PTPRN2: variants seen among roughly 807,000 people sequenced by gnomAD.
The protein encoded by PTPRN2 is receptor-type tyrosine-protein phosphatase N2.
A neutral mutation model predicts 118.8 loss-of-function variants in PTPRN2; 74 were observed. That is an observed-to-expected ratio of 0.62 (90% CI 0.52 to 0.76). PTPRN2 has a LOEUF of 0.76. Ranked by LOEUF, PTPRN2 falls within the 30% of genes least tolerant of loss-of-function variation. PTPRN2 has a pLI of 0.00. For synonymous variants in PTPRN2, 641 were observed against 608.0 expected, an observed-to-expected ratio of 1.05 and a Z score of -0.80; for missense variants, 1,481 against 1,394.4, an observed-to-expected ratio of 1.06 and a Z score of -0.99.
At chr7:158,417,328 G>A (rs1022414557) in intron 2 of PTPRN2, among the ~76,000 whole-genome samples, 1 of 151,646 alleles carries the variant, frequency 6.6e-6, no homozygotes, top group Non-Finnish European at 1.5e-5. Flanking sequence ...ACTACATCGA[G>A]ATGCTGAAGC....
At chr7:158,361,510 C>T (rs1246340410) in intron 2 of PTPRN2, among the ~76,000 whole-genome samples, 1 of 152,236 alleles carries the variant, frequency 6.6e-6, no homozygotes, top group Non-Finnish European at 1.5e-5. Context: ...GCCATCCACA[C>T]CTGGCAGAAA....
chr7:157,951,940 C>G (rs1800839565), intron 11 of PTPRN2, among the ~76,000 whole-genome samples: 1 of 152,194 alleles, frequency 6.6e-6, no homozygotes, highest in African/African-American at 2.4e-5. Flanking sequence ...CCTGCTGCAC[C>G]TGCCACAACT....
chr7:158,143,416 G>A (rs528329042), intron 6 of PTPRN2, among the ~76,000 whole-genome samples: 61 of 152,300 alleles, frequency 4.0e-4, no homozygotes, highest in African/African-American at 1.4e-3. Flanking sequence ...CCCAGCAGTC[G>A]GCGTCCTCCG....
intron 2 of PTPRN2, among the ~76,000 whole-genome samples, chr7:158,406,572 C>G (rs892920070): frequency 1.3e-5 from 2 of 152,250 alleles, no homozygotes; most frequent in Non-Finnish European, 2.9e-5. Flanking sequence ...CGGCTCCTTC[C>G]CCAGGGCAGG....
rs568819318 is a variant in PTPRN2 at position 157,784,655 on chromosome 7, T to A, written c.1789-101718A>T. Among the ~76,000 whole-genome samples the A allele has an allele frequency of 2.6e-4, 31 of 120,490 alleles. 2 individuals are homozygous for A. The highest frequency in any genetic ancestry group is 1.8e-3 in the Admixed American group (22 of 12,320). The allele number at this position is 120,490 out of a possible 152,430, so 79.0% of individuals were successfully genotyped here. The stretch of plus-strand genomic sequence containing the variant: ...ACGGGCAGGGGCTGGGCTGATCCCG[T>A]ATGAAACGGGCAGGGGCTGGGCTGA... On this transcript the variant is annotated intron_variant, in intron 12 of 22. Transcript: ENST00000389418. The surrounding 1 kb of genome is among the most constrained non-coding windows in gnomAD (Gnocchi z 4.6).
intron 1 of PTPRN2, among the ~76,000 whole-genome samples, chr7:158,562,059 G>A (rs1237812892): frequency 1.3e-5 from 2 of 152,198 alleles, no homozygotes; most frequent in Non-Finnish European, 2.9e-5. Context: ...TGACCTCCAA[G>A]AGAAGTCTCT....
intron 3 of PTPRN2, among the ~76,000 whole-genome samples, chr7:158,256,770 A>G (rs1246042427): frequency 6.6e-6 from 1 of 152,172 alleles, no homozygotes; most frequent in Non-Finnish European, 1.5e-5. Flanking sequence ...TTATGGAATG[A>G]TTCACCATCT....
chr7:158,166,625 C>G (rs557854051), intron 6 of PTPRN2, among the ~76,000 whole-genome samples: 1 of 151,876 alleles, frequency 6.6e-6, no homozygotes, highest in Non-Finnish European at 1.5e-5. Context: ...TCCCACTGGC[C>G]GCTGTGTTCA....
At chr7:157,837,644 T>C (rs1823877838) in intron 12 of PTPRN2, among the ~76,000 whole-genome samples, 1 of 152,186 alleles carries the variant, frequency 6.6e-6, no homozygotes, top group Non-Finnish European at 1.5e-5. Context: ...TCCTGCCGTC[T>C]GCAAGGACAC....
chr7:158,306,207 G>A (rs1801271897), intron 3 of PTPRN2, among the ~76,000 whole-genome samples: 1 of 152,178 alleles, frequency 6.6e-6, no homozygotes, highest in South Asian at 2.1e-4. Flanking sequence ...ACAAACAATA[G>A]GCTAACCAGA....
chr7:158,119,633 G>GAC (rs1554545346), intron 9 of PTPRN2, among the ~76,000 whole-genome samples: 1 of 151,712 alleles, frequency 6.6e-6, no homozygotes, highest in African/African-American at 2.4e-5. Flanking sequence ...GAGAGAGAGA[G>GAC]ACACCATATT....
Position 157,780,738 on chromosome 7 carries a change from G to C in PTPRN2, c.1789-97801C>G, listed in dbSNP as rs1478963457. On this transcript the variant is annotated intron_variant, in intron 12 of 22. Coordinates refer to ENST00000389418, the MANE Select transcript of PTPRN2 (RefSeq NM_002847.5). The surrounding 1 kb of genome is among the most constrained non-coding windows in gnomAD (Gnocchi z 4.5). ...GATGGGGCCACACCCAGCACGGAGA[G>C]AGCACTTGACACTGTTGCTTGCATG... Among the ~76,000 whole-genome samples, 1 of 152,216 alleles carries C rather than the reference G, an allele frequency of 6.6e-6. No homozygotes were observed. Among genetic ancestry groups the C allele is most frequent in the Non-Finnish European group, 1.5e-5 (1 of 68,046 alleles).
intron 2 of PTPRN2, among the ~76,000 whole-genome samples, chr7:158,446,523 C>T (rs925389374): frequency 6.6e-6 from 1 of 151,646 alleles, no homozygotes; most frequent in Non-Finnish European, 1.5e-5. Context: ...CCACCCCCAG[C>T]GGGCAGACCC....
intron 2 of PTPRN2, among the ~76,000 whole-genome samples, chr7:158,447,951 G>A (rs1432804588): frequency 6.6e-6 from 1 of 152,220 alleles, no homozygotes; most frequent in Non-Finnish European, 1.5e-5. Context: ...AATGCCAGCA[G>A]GACACAGGCC....
At chr7:157,582,321 C>T (rs1170221462) in intron 17 of PTPRN2, among the ~76,000 whole-genome samples, 3 of 152,106 alleles carry the variant, frequency 2.0e-5, no homozygotes, top group Non-Finnish European at 2.9e-5. Flanking sequence ...AACAAATGAC[C>T]CAACTAAAAA....
chr7:158,227,885 G>A (rs1828911227), intron 3 of PTPRN2, among the ~76,000 whole-genome samples: 1 of 152,242 alleles, frequency 6.6e-6, no homozygotes, highest in Non-Finnish European at 1.5e-5. Flanking sequence ...TGTGCACAGT[G>A]GGGGTGCCTG....
intron 6 of PTPRN2, among the ~76,000 whole-genome samples, chr7:158,156,530 C>T (rs531064154): frequency 2.0e-4 from 31 of 152,338 alleles, no homozygotes; most frequent in African/African-American, 7.0e-4. Context: ...TCTGCAGAAA[C>T]GCCCTCGTAA....
rs145105920 is a variant in PTPRN2, at chr7:158,333,362, T to G, written c.164-16430A>C. Among the ~76,000 whole-genome samples, 25 of 97,356 alleles carry G rather than the reference T, an allele frequency of 2.6e-4. 4 individuals are homozygous for G. Among genetic ancestry groups the G allele is most frequent in the Non-Finnish European group, 4.4e-4 (19 of 43,070 alleles). 63.9% of individuals were successfully genotyped at this position (97,356 alleles called of 152,430 possible). A position where few individuals can be genotyped will look rare whatever the true frequency, so the allele number is the denominator to read the frequency against. Reference sequence around the variant, plus strand: ...AAGAGGTGACACCTGCAGACGTCACTCACACCCACACTCGCACCATAAGAG... The same window carrying G: ...AAGAGGTGACACCTGCAGACGTCACGCACACCCACACTCGCACCATAAGAG... On this transcript the variant is annotated intron_variant, in intron 2 of 22. Transcript: ENST00000389418.
Position 158,574,864 on chromosome 7 carries a change from G to A in PTPRN2, c.112+12694C>T, listed in dbSNP as rs1185621783. ...TGCCTACTGCAGGATGTCGAACAAC[G>A]TCCCTGTCCGCCATCCACCTAGTCC... On this transcript the variant is annotated intron_variant, in intron 1 of 22. Transcript: ENST00000389418. The surrounding 1 kb of genome is among the most constrained non-coding windows in gnomAD (Gnocchi z 4.6). 3.3e-5 allele frequency among the ~76,000 whole-genome samples: 5 copies of A among 152,236 alleles called. No homozygotes were observed. The highest frequency in any genetic ancestry group is 2.1e-4 in the South Asian group (1 of 4,810).
Sources: gnomAD v4.1 joint callset for allele counts (sites outside exome capture counted in the v4.1 genomes callset) on GRCh38, gnomAD v4.1.1 for gene constraint, Gnocchi (gnomAD v3.1) non-coding constraint, MANE v1.5 for transcripts, NCBI Gene and HGNC (gene_info 2026-07-23, HGNC 2026-07-21) for gene names.